The following HS3ST4 variants were observed in gnomAD, a reference collection of about 807,000 sequenced individuals.
HS3ST4 encodes heparan sulfate-glucosamine 3-sulfotransferase 4, also known as heparan sulfate glucosamine 3-O-sulfotransferase 4.
In HS3ST4, 17 loss-of-function variants were observed where a neutral mutation model predicts 29.2. The observed-to-expected ratio is 0.58, with a 90% CI of 0.40 to 0.87. The LOEUF (loss-of-function observed/expected upper bound fraction) is 0.87, where lower values mean the gene tolerates loss of function less well. Among genes scored for constraint, HS3ST4 ranks in the 40% least tolerant of loss-of-function variants. The pLI is 0.00. For missense variants in HS3ST4, 627 were observed against 634.5 expected, an observed-to-expected ratio of 0.99 and a Z score of 0.13; for synonymous variants, 314 against 285.7, an observed-to-expected ratio of 1.10 and a Z score of -1.00.
At chr16:25,698,739 G>A (rs1449634159) in intron 1 of HS3ST4, among the ~76,000 whole-genome samples, 4 of 152,168 alleles carry the variant, frequency 2.6e-5, no homozygotes, top group Admixed American at 1.3e-4. Flanking sequence ...ATTGTCCAAA[G>A]AGGCTGTTAT....
chr16:25,805,640 G>C (rs1966982458), intron 1 of HS3ST4, among the ~76,000 whole-genome samples: 1 of 152,004 alleles, frequency 6.6e-6, no homozygotes, highest in South Asian at 2.1e-4. Context: ...CTATCTTTGT[G>C]TCTCTAAGAA....
In HS3ST4 at chr16:25,981,560, C is replaced by T. The variant is rs77485702; in HGVS notation, c.735-154052C>T. Reference sequence around the variant, plus strand: ...TCCTCGGGCTAGATTATTAATCACACCTGGAACAGTATACCTTTCCATCAT... The same window carrying T: ...TCCTCGGGCTAGATTATTAATCACATCTGGAACAGTATACCTTTCCATCAT... On this transcript the variant is annotated intron_variant, in intron 1 of 1. Transcript: ENST00000331351. Among the ~76,000 whole-genome samples, 8 of 151,608 alleles carry T rather than the reference C, an allele frequency of 5.3e-5. No homozygotes were observed. In the East Asian group the frequency reaches 1.6e-3, roughly 29 times the overall value.
intron 1 of HS3ST4, among the ~76,000 whole-genome samples, chr16:26,071,004 T>C (rs765368253): frequency 1.3e-5 from 2 of 152,246 alleles, no homozygotes; most frequent in Non-Finnish European, 2.9e-5. Flanking sequence ...AGACATTCTG[T>C]GCTTTTATGA....
chr16:26,083,912 C>A (rs1032937537), intron 1 of HS3ST4, among the ~76,000 whole-genome samples: 2 of 152,108 alleles, frequency 1.3e-5, no homozygotes, highest in Admixed American at 6.6e-5. Context: ...CCCAAAGCAG[C>A]CTTGTGGGAT....
At chr16:26,055,269 G>C (rs753580120) in intron 1 of HS3ST4, among the ~76,000 whole-genome samples, 3 of 152,180 alleles carry the variant, frequency 2.0e-5, no homozygotes, top group Non-Finnish European at 4.4e-5. Context: ...GAGAAGATGT[G>C]TGGCTGTGGC....
chr16:26,090,774 G>C (rs1237523956), intron 1 of HS3ST4, among the ~76,000 whole-genome samples: 1 of 152,196 alleles, frequency 6.6e-6, no homozygotes, highest in African/African-American at 2.4e-5. Context: ...GTTATGGAAA[G>C]AGATGGCACG....
chr16:25,984,674 T>TCA, intron 1 of HS3ST4, among the ~76,000 whole-genome samples: 1 of 152,348 alleles, frequency 6.6e-6, no homozygotes, highest in East Asian at 1.9e-4. Context: ...GAACTTTCTG[T>TCA]TCCTGGTTTA....
chr16:25,703,629 C>G (rs561160821), intron 1 of HS3ST4, among the ~76,000 whole-genome samples: 1 of 152,344 alleles, frequency 6.6e-6, no homozygotes, highest in East Asian at 1.9e-4. Context: ...CAGCATTTCC[C>G]TGCTTTTAGT....
chr16:25,987,027 G>C, intron 1 of HS3ST4, among the ~76,000 whole-genome samples: 1 of 152,180 alleles, frequency 6.6e-6, no homozygotes, highest in African/African-American at 2.4e-5. Flanking sequence ...TGGATGTCTG[G>C]GCCCACAACT....
chr16:25,710,225 T>A (rs1966406372), intron 1 of HS3ST4, among the ~76,000 whole-genome samples: 3 of 152,242 alleles, frequency 2.0e-5, no homozygotes, highest in Non-Finnish European at 4.4e-5. Context: ...TATGTATATC[T>A]GTCCACCTTG....
intron 1 of HS3ST4, among the ~76,000 whole-genome samples, chr16:25,949,725 A>G (rs1397379990): frequency 6.6e-6 from 1 of 152,196 alleles, no homozygotes; most frequent in Non-Finnish European, 1.5e-5. Flanking sequence ...TGGACTCAGC[A>G]GGATTCTTGT....
chr16:25,918,031 G>A (rs1437278597), intron 1 of HS3ST4, among the ~76,000 whole-genome samples: 3 of 152,118 alleles, frequency 2.0e-5, no homozygotes, highest in Non-Finnish European at 2.9e-5. Flanking sequence ...AGGGTGGGGG[G>A]GAGCATCGTC....
At chr16:25,918,181 G>C (rs918667015) in intron 1 of HS3ST4, among the ~76,000 whole-genome samples, 3 of 152,114 alleles carry the variant, frequency 2.0e-5, no homozygotes, top group Non-Finnish European at 4.4e-5. Context: ...TTTTACTGGA[G>C]AATAAAAACT....
Position 26,064,819 on chromosome 16 carries a change from G to T in HS3ST4, c.735-70793G>T, listed in dbSNP as rs968555014. On this transcript the variant is annotated intron_variant, in intron 1 of 1. Transcript: ENST00000331351. ...TTTCTTGGAGACGAGGTTTCCCCATGTTGGTCAGGCTGGTCTCGAACTCCC... is the reference window on the plus strand; with the variant it reads ...TTTCTTGGAGACGAGGTTTCCCCATTTTGGTCAGGCTGGTCTCGAACTCCC... Among the ~76,000 whole-genome samples, 6 of 152,116 alleles carry T rather than the reference G, an allele frequency of 3.9e-5. No individual in the cohort carries two copies. In the South Asian group the frequency reaches 1.0e-3, roughly 26 times the overall value.
At chr16:25,969,568 C>T (rs1225894006) in intron 1 of HS3ST4, among the ~76,000 whole-genome samples, 1 of 152,202 alleles carries the variant, frequency 6.6e-6, no homozygotes, top group Non-Finnish European at 1.5e-5. Context: ...ATTCCAGCTG[C>T]TCTTTGTCTG....
intron 1 of HS3ST4, among the ~76,000 whole-genome samples, chr16:26,117,851 A>C (rs968118283): frequency 6.6e-6 from 1 of 152,256 alleles, no homozygotes; most frequent in Admixed American, 6.5e-5. Context: ...GTTGTAGGTA[A>C]TATGGATACA....
intron 1 of HS3ST4, among the ~76,000 whole-genome samples, chr16:25,890,135 CTAT>C (rs1967993323): frequency 6.6e-6 from 1 of 152,146 alleles, no homozygotes; most frequent in Admixed American, 6.5e-5. Context: ...GAGATGAATC[CTAT>C]TATTATATTA....
intron 1 of HS3ST4, among the ~76,000 whole-genome samples, chr16:25,928,238 G>T (rs1968428185): frequency 6.6e-6 from 1 of 150,802 alleles, no homozygotes; most frequent in Non-Finnish European, 1.5e-5. Flanking sequence ...TGTGGCCTGT[G>T]CCTGTAGTTC....
intron 1 of HS3ST4, among the ~76,000 whole-genome samples, chr16:25,880,350 A>G (rs1967881795): frequency 6.6e-6 from 1 of 152,146 alleles, no homozygotes; most frequent in African/African-American, 2.4e-5. Flanking sequence ...GTTAACACTC[A>G]GTGAATATTT....
Sources: allele counts gnomAD v4.1 joint callset (sites outside exome capture counted in the v4.1 genomes callset), GRCh38; gene constraint gnomAD v4.1.1; transcripts MANE v1.5; gene names NCBI Gene and HGNC (gene_info 2026-07-23, HGNC 2026-07-21).